The following HMCES variants were observed in gnomAD, a reference collection of about 807,000 sequenced individuals.
HMCES encodes the protein 5-hydroxymethylcytosine binding, ES cell specific.
In HMCES, 27 loss-of-function variants were observed where a neutral mutation model predicts 35.1. The observed-to-expected ratio is 0.77, with a 90% CI of 0.57 to 1.06. The LOEUF is 1.06. Ranked by LOEUF, HMCES falls within the 50% of genes least tolerant of loss-of-function variation. HMCES has a pLI of 0.00. For synonymous variants in HMCES, 130 were observed against 154.7 expected (o/e 0.84, Z 1.18); for missense variants, 391 against 430.4 (o/e 0.91, Z 0.81).
At chr3:129,302,651 A>AGGTT (rs1186262553) in intron 6 of HMCES, among the ~76,000 whole-genome samples, 3 of 152,026 alleles carry the variant, frequency 2.0e-5, no homozygotes, top group Non-Finnish European at 4.4e-5. Context: ...TGGGAGGTGG[A>AGGTT]GGTTGCAGTG....
Position 129,279,034 on chromosome 3 carries a change from C to G in HMCES, c.-24+129C>G, listed in dbSNP as rs1251249495. 2 of 147,316 alleles carry G rather than the reference C, an allele frequency of 1.4e-5. No individual in the cohort carries two copies. The highest frequency in any genetic ancestry group is 5.0e-5 in the African/African-American group (2 of 39,804). 9.1% of individuals were successfully genotyped at this position (147,316 alleles called of 1,614,324 possible). A position where few individuals can be genotyped will look rare whatever the true frequency, so the allele number is the denominator to read the frequency against. ...CGCGAGGCGACGCGGAGAGGGCGGC[C>G]TGGGCCGAAGTGAGGCGACGCGGGG... On this transcript the variant is annotated intron_variant, in intron 1 of 6. Transcript: ENST00000383463. This position sits in a 1 kb window ranked among gnomAD's most constrained non-coding sequence, Gnocchi z 4.2.
At chr3:129,281,006 G>A (rs895061536) in intron 2 of HMCES, among the ~76,000 whole-genome samples, 4 of 151,744 alleles carry the variant, frequency 2.6e-5, no homozygotes, top group South Asian at 4.2e-4. Flanking sequence ...GGCGGATCAC[G>A]AGGTCAAGAG....
chr3:129,291,952 C>T (rs567740841), intron 4 of HMCES, among the ~76,000 whole-genome samples: 56 of 152,004 alleles, frequency 3.7e-4, no homozygotes, highest in Non-Finnish European at 7.4e-4. Context: ...ATTAGCTGGG[C>T]GTGGTCCCAG....
At chr3:129,292,923 G>T (rs1164338660) in intron 4 of HMCES, among the ~76,000 whole-genome samples, 1 of 152,174 alleles carries the variant, frequency 6.6e-6, no homozygotes, top group East Asian at 1.9e-4. Context: ...GTGATTGGTG[G>T]AAGGAAAGGG....
intron 4 of HMCES, among the ~76,000 whole-genome samples, chr3:129,293,220 T>C (rs1193848207): frequency 6.6e-6 from 1 of 152,164 alleles, no homozygotes; most frequent in Non-Finnish European, 1.5e-5. Context: ...GTTTGTTTGT[T>C]TTTTAACTCT....
intron 2 of HMCES, among the ~76,000 whole-genome samples, chr3:129,282,288 T>G (rs1451017764): frequency 3.9e-5 from 5 of 127,238 alleles, no homozygotes. Flanking sequence ...TGAGACCCTG[T>G]TTTTAACAAA....
At chr3:129,293,309 C>T (rs2107692514) in intron 4 of HMCES, among the ~76,000 whole-genome samples, 1 of 152,232 alleles carries the variant, frequency 6.6e-6, no homozygotes. Context: ...ACCAAAATCT[C>T]AGAAATCACC....
chr3:129,290,870 C>T, intron 4 of HMCES, 66 bp downstream of exon 4: 1 of 1,459,964 alleles, frequency 6.8e-7, no homozygotes, highest in Non-Finnish European at 9.4e-7. Flanking sequence ...ATCCAAAGGA[C>T]ATTTTTTTCT....
In HMCES at chr3:129,286,721, TA is replaced by T. The variant is rs369616073; in HGVS notation, c.184-2132del. On this transcript the variant is annotated intron_variant, in intron 2 of 6. Coordinates refer to ENST00000383463, the MANE Select transcript of HMCES (RefSeq NM_020187.3). ...ATCCATTTGTACTACAATTTCTTTTTATTTTTTTTTAAATCTTTTGGATGTC... is the reference window on the plus strand; with the variant it reads ...ATCCATTTGTACTACAATTTCTTTTTTTTTTTTTTAAATCTTTTGGATGTC... Among the ~76,000 whole-genome samples the T allele has an allele frequency of 1.7e-4, 26 of 152,328 alleles. No homozygotes were observed. The East Asian group carries it at 3.7e-3, about 21-fold the overall frequency.
intron 6 of HMCES, among the ~76,000 whole-genome samples, chr3:129,302,574 G>A (rs958686699): frequency 4.6e-5 from 7 of 152,192 alleles, no homozygotes; most frequent in Admixed American, 4.6e-4. Flanking sequence ...TTAGCTGGGT[G>A]TGGTGGCCCG....
intron 3 of HMCES, among the ~76,000 whole-genome samples, chr3:129,289,698 T>C (rs1940745536): frequency 6.6e-6 from 1 of 152,108 alleles, no homozygotes. Flanking sequence ...TTCTATGGGT[T>C]ACACAGAGCC....
intron 3 of HMCES, 107 bp from the exon 4 acceptor site, chr3:129,290,572 C>T (rs2071001023): frequency 1.6e-6 from 2 of 1,254,092 alleles, no homozygotes; most frequent in South Asian, 1.4e-5. Flanking sequence ...CCGTGAGCCA[C>T]CCGCCTGGCC....
chr3:129,294,431 TAATA>T (rs987706732), intron 4 of HMCES, among the ~76,000 whole-genome samples: 87 of 152,102 alleles, frequency 5.7e-4, no homozygotes, highest in African/African-American at 1.7e-3. Flanking sequence ...TCAAAAAAAA[TAATA>T]AATAAATAAA....
chr3:129,300,757 G>A (rs183087721), intron 5 of HMCES, among the ~76,000 whole-genome samples: 11 of 152,168 alleles, frequency 7.2e-5, no homozygotes, highest in South Asian at 2.1e-4. Flanking sequence ...ATGGCCAGGC[G>A]CGGTGGCTCA....
chr3:129,299,243 A>T (rs2071131153), intron 5 of HMCES, among the ~76,000 whole-genome samples: 1 of 152,208 alleles, frequency 6.6e-6, no homozygotes, highest in Non-Finnish European at 1.5e-5. Flanking sequence ...TGAGTGTTGG[A>T]AGAAATGCAT....
intron 5 of HMCES, among the ~76,000 whole-genome samples, chr3:129,299,574 A>G (rs1359833971): frequency 2.6e-5 from 4 of 151,744 alleles, no homozygotes; most frequent in Non-Finnish European, 5.9e-5. Context: ...AAAAGGAGCC[A>G]CTTGTGGTAT....
intron 4 of HMCES, 142 bp from the exon 5 acceptor site, chr3:129,298,212 T>G: frequency 1.4e-6 from 1 of 697,356 alleles, no homozygotes; most frequent in African/African-American, 1.8e-5. Context: ...CTTCTTTCCT[T>G]TGGTGACAGA....
chr3:129,299,152 A>AATAC (rs1326239051), intron 5 of HMCES, among the ~76,000 whole-genome samples: 3 of 152,188 alleles, frequency 2.0e-5, no homozygotes, highest in South Asian at 2.1e-4. Flanking sequence ...CATCTCAATA[A>AATAC]ATACATACAT....
intron 2 of HMCES, among the ~76,000 whole-genome samples, chr3:129,280,507 T>A (rs116053202): frequency 0.014 from 2,085 of 152,238 alleles, 48 homozygotes; most frequent in African/African-American, 0.047. Flanking sequence ...AGAAAAAATT[T>A]AAAAAAATAA....
Sources: gnomAD v4.1 joint callset for allele counts (sites outside exome capture counted in the v4.1 genomes callset) on GRCh38, gnomAD v4.1.1 for gene constraint, Gnocchi (gnomAD v3.1) non-coding constraint, MANE v1.5 for transcripts, NCBI Gene and HGNC (gene_info 2026-07-23, HGNC 2026-07-21) for gene names.